CTBP2: variants seen among roughly 807,000 people sequenced by gnomAD.
CTBP2 encodes C-terminal binding protein 2.
A neutral mutation model predicts 80.3 loss-of-function variants in CTBP2; 30 were observed. That is an observed-to-expected ratio of 0.37 (90% CI 0.28 to 0.51). The LOEUF (loss-of-function observed/expected upper bound fraction) is 0.51, where lower values mean the gene tolerates loss of function less well. Ranked by LOEUF, CTBP2 falls within the 20% of genes least tolerant of loss-of-function variation. The pLI, the probability that CTBP2 is intolerant of heterozygous loss-of-function variation, is 0.93. For synonymous variants in CTBP2, 594 were observed against 587.4 expected, an observed-to-expected ratio of 1.01 and a Z score of -0.16; for missense variants, 1,212 against 1,375.3, an observed-to-expected ratio of 0.88 and a Z score of 1.88.
At chr10:125,140,441 C>T (rs149714247) in intron 1 of CTBP2, among the ~76,000 whole-genome samples, 3 of 152,236 alleles carry the variant, frequency 2.0e-5, no homozygotes, top group Admixed American at 6.5e-5. Context: ...TTTCGGGCAA[C>T]GACCAGAAAA....
chr10:125,081,426 G>C (rs1007294821), intron 2 of CTBP2, among the ~76,000 whole-genome samples: 1 of 152,136 alleles, frequency 6.6e-6, no homozygotes, highest in African/African-American at 2.4e-5. Context: ...GAAAGAATGG[G>C]CACTGTGTTT....
chr10:125,055,699 T>C (rs560703187), intron 2 of CTBP2, among the ~76,000 whole-genome samples: 1 of 151,558 alleles, frequency 6.6e-6, no homozygotes, highest in South Asian at 2.1e-4. Flanking sequence ...ACACAGAACA[T>C]CTGCAGAAGC....
chr10:125,070,040 G>A (rs115617596), intron 2 of CTBP2, among the ~76,000 whole-genome samples: 2,659 of 151,988 alleles, frequency 0.017, 64 homozygotes, highest in African/African-American at 0.058. Context: ...ATATATATGG[G>A]TCATTAATTG....
At chr10:125,016,218 A>G (rs1956468384) in intron 1 of CTBP2, among the ~76,000 whole-genome samples, 1 of 150,360 alleles carries the variant, frequency 6.7e-6, no homozygotes, top group African/African-American at 2.4e-5. Context: ...AGGAAGTAGC[A>G]GCAACCAGGA....
Position 125,010,019 on chromosome 10 carries a change from CCTT to C in CTBP2, c.1679-6530_1679-6528del, listed in dbSNP as rs1023218826. On this transcript the variant is annotated intron_variant, in intron 1 of 8. Coordinates refer to ENST00000309035, the MANE Select transcript of CTBP2 (RefSeq NM_022802.3). Reference sequence around the variant, plus strand: ...TGAGCAAGCCACGGTGACTCCCCCTCCTTGTGTCCCCAGCAGCCGGGAAGGTGC... The same window carrying C: ...TGAGCAAGCCACGGTGACTCCCCCTCGTGTCCCCAGCAGCCGGGAAGGTGC... Among the ~76,000 whole-genome samples, 58 of 152,298 alleles carry C rather than the reference CCTT, an allele frequency of 3.8e-4. No homozygotes were observed. The Middle Eastern group carries it at 0.017, about 45-fold the overall frequency.
At chr10:125,096,224 T>C (rs1849524863) in intron 2 of CTBP2, among the ~76,000 whole-genome samples, 1 of 152,250 alleles carries the variant, frequency 6.6e-6, no homozygotes, top group Non-Finnish European at 1.5e-5. Flanking sequence ...CCACTATTAG[T>C]TAACACTTCA....
chr10:125,005,092 T>A (rs1354402033), intron 1 of CTBP2, among the ~76,000 whole-genome samples: 1 of 152,146 alleles, frequency 6.6e-6, no homozygotes, highest in Non-Finnish European at 1.5e-5. Flanking sequence ...CGTGACTGCA[T>A]CCTGTTAAGA....
intron 2 of CTBP2, among the ~76,000 whole-genome samples, chr10:125,092,979 C>T (rs1849012943): frequency 6.6e-6 from 1 of 152,136 alleles, no homozygotes; most frequent in South Asian, 2.1e-4. Context: ...GGACCCAACA[C>T]CAGCCCCAAC....
At position 125,066,518 on chromosome 10, in the gene CTBP2, C is replaced by G. The variant is rs1354910626; in HGVS notation, c.-101-27363G>C. Among the ~76,000 whole-genome samples, 1 of 152,130 alleles carries G rather than the reference C, an allele frequency of 6.6e-6. No homozygotes were observed. The highest frequency in any genetic ancestry group is 6.5e-5 in the Admixed American group (1 of 15,274). On this transcript the variant is annotated intron_variant, in intron 2 of 10. Coordinates refer to the CTBP2 transcript ENST00000337195. The surrounding 1 kb of genome is among the most constrained non-coding windows in gnomAD (Gnocchi z 4.1). ...AGTGCTGTCATGTTTCGTACAGGAG[C>G]CTGCTGGGGGTAGCTCACGGGGACT...
At chr10:125,096,374 C>T (rs1429578630) in intron 2 of CTBP2, among the ~76,000 whole-genome samples, 2 of 152,114 alleles carry the variant, frequency 1.3e-5, no homozygotes, top group African/African-American at 2.4e-5. Flanking sequence ...AACAAAGATG[C>T]AAAATAACAT....
intron 2 of CTBP2, among the ~76,000 whole-genome samples, chr10:125,078,588 C>CG (rs917927439): frequency 1.3e-5 from 2 of 151,246 alleles, no homozygotes; most frequent in Non-Finnish European, 1.5e-5. Flanking sequence ...TTCAAAGTGT[C>CG]GGGGGGAAAG....
intron 1 of CTBP2, among the ~76,000 whole-genome samples, chr10:125,136,015 T>C (rs1378114730): frequency 6.6e-6 from 1 of 152,200 alleles, no homozygotes; most frequent in Non-Finnish European, 1.5e-5. Context: ...TGGGCAGTGG[T>C]TCCCTACCTG....
chr10:125,098,127 C>T (rs1382317453), intron 2 of CTBP2, among the ~76,000 whole-genome samples: 1 of 152,132 alleles, frequency 6.6e-6, no homozygotes, highest in African/African-American at 2.4e-5. Context: ...TCTCAAAAAC[C>T]AAACGAACAA....
chr10:124,997,596 G>A (rs1016125816), intron 4 of CTBP2: 19 of 275,776 alleles, frequency 6.9e-5, no homozygotes, highest in African/African-American at 3.4e-4. Flanking sequence ...GCCCCTACAC[G>A]AGCCCCAAGC....
At chr10:125,026,026 G>A (rs1284417915) in intron 1 of CTBP2, 12 of 1,521,172 alleles carry the variant, frequency 7.9e-6, no homozygotes, top group African/African-American at 2.8e-5. Context: ...CTACAACCCC[G>A]CACCCCCCTG....
In CTBP2 at chr10:125,027,777, C is replaced by T. The variant is rs2938006; in HGVS notation, c.-18G>A. On this transcript the variant is annotated 5_prime_UTR_variant, in exon 1 of 9. Coordinates refer to ENST00000309035, the MANE Select transcript of CTBP2 (RefSeq NM_022802.3). ...ACTGGCATTGGAAAAAAAATGACTG[C>T]GGATGAGGCAGAGGAGAAGCTTTTC... 0.48 allele frequency: 738,883 copies of T among 1,535,928 alleles called. 180,480 individuals carry two copies. The highest frequency in any genetic ancestry group is 0.59 in the East Asian group (24,682 of 41,890).
chr10:125,079,451 C>A (rs139465292), intron 2 of CTBP2, among the ~76,000 whole-genome samples: 1 of 152,184 alleles, frequency 6.6e-6, no homozygotes, highest in African/African-American at 2.4e-5. Context: ...TTCAGTCCTG[C>A]GAATGCCATA....
chr10:124,991,903 G>T (rs112057561), intron 8 of CTBP2, among the ~76,000 whole-genome samples: 3,430 of 142,752 alleles, frequency 0.024, 155 homozygotes, highest in African/African-American at 0.081. Context: ...TGGGGGGGGG[G>T]GTGTGGGAGA....
chr10:125,054,557 C>T (rs180930404), intron 2 of CTBP2, among the ~76,000 whole-genome samples: 17 of 152,312 alleles, frequency 1.1e-4, no homozygotes, highest in African/African-American at 4.1e-4. Flanking sequence ...CTAAGCTGTG[C>T]AGGTTCCTGT....
Sources: gnomAD v4.1 joint callset for allele counts (sites outside exome capture counted in the v4.1 genomes callset) on GRCh38, gnomAD v4.1.1 for gene constraint, Gnocchi (gnomAD v3.1) non-coding constraint, MANE v1.5 for transcripts, NCBI Gene and HGNC (gene_info 2026-07-23, HGNC 2026-07-21) for gene names.